Variants in CACNA2D1 observed in about 807,000 individuals in gnomAD.
CACNA2D1 encodes the protein calcium voltage-gated channel auxiliary subunit alpha2delta 1.
Under a neutral mutation model 171.5 loss-of-function variants are expected in CACNA2D1, and 53 were observed. The observed-to-expected ratio is 0.31, with a 90% CI of 0.25 to 0.39. CACNA2D1 has a LOEUF of 0.39. Ranked by LOEUF, CACNA2D1 falls within the 10% of genes least tolerant of loss-of-function variation. The probability of loss-of-function intolerance (pLI) is 1.00; values close to 1 mark genes in which losing one functional copy is unlikely to be tolerated. For missense variants in CACNA2D1, 903 were observed against 1,299.8 expected (o/e 0.69, Z 4.69); for synonymous variants, 442 against 443.1 (o/e 1.00, Z 0.03).
chr7:82,193,333 C>G (rs560450067), intron 3 of CACNA2D1, among the ~76,000 whole-genome samples: 1 of 152,076 alleles, frequency 6.6e-6, no homozygotes, highest in African/African-American at 2.4e-5. Flanking sequence ...AAATTAATAG[C>G]TTCTATCATG....
intron 3 of CACNA2D1, among the ~76,000 whole-genome samples, chr7:82,246,377 T>C (rs1364350279): frequency 6.6e-6 from 1 of 152,164 alleles, no homozygotes. Flanking sequence ...AATAAATATC[T>C]GGCACCATAA....
intron 6 of CACNA2D1, among the ~76,000 whole-genome samples, chr7:82,111,444 A>ATATATAT (rs1207440298): frequency 4.3e-5 from 3 of 69,966 alleles, no homozygotes; most frequent in South Asian, 9.7e-4. Context: ...ATATATATAT[A>ATATATAT]TTTTTTTTTT....
chr7:82,123,360 A>G (rs1789964460), intron 5 of CACNA2D1, among the ~76,000 whole-genome samples: 1 of 152,224 alleles, frequency 6.6e-6, no homozygotes, highest in Non-Finnish European at 1.5e-5. Flanking sequence ...AAAGTTTAAC[A>G]AGCTTATACA....
At chr7:82,401,029 T>C (rs991772887) in intron 1 of CACNA2D1, among the ~76,000 whole-genome samples, 1 of 152,142 alleles carries the variant, frequency 6.6e-6, no homozygotes, top group Non-Finnish European at 1.5e-5. Context: ...CCAGTTAGAA[T>C]GGCAATCGTT....
At chr7:82,017,921 G>GA (rs1800700809) in intron 12 of CACNA2D1, among the ~76,000 whole-genome samples, 1 of 152,034 alleles carries the variant, frequency 6.6e-6, no homozygotes, top group South Asian at 2.1e-4. Flanking sequence ...CTTTTGTGGA[G>GA]AAAAAATTCC....
intron 6 of CACNA2D1, 148 bp from the exon 7 acceptor site, chr7:82,085,048 A>T: frequency 1.4e-6 from 1 of 701,502 alleles, no homozygotes; most frequent in South Asian, 1.7e-5. Context: ...AGTTTTCGAC[A>T]CTTTAGAGGA....
chr7:82,218,311 GA>G (rs1384052435), intron 3 of CACNA2D1, among the ~76,000 whole-genome samples: 1 of 152,092 alleles, frequency 6.6e-6, no homozygotes, highest in African/African-American at 2.4e-5. Flanking sequence ...TAAGATGTAG[GA>G]AAACAGGTAC....
chr7:82,211,965 G>A (rs1016677761), intron 3 of CACNA2D1, among the ~76,000 whole-genome samples: 1 of 152,098 alleles, frequency 6.6e-6, no homozygotes, highest in Non-Finnish European at 1.5e-5. Flanking sequence ...GGTTTTGTTT[G>A]CATTTCTGAT....
chr7:82,432,037 T>TAAAAAAAA (rs34180150), intron 1 of CACNA2D1, among the ~76,000 whole-genome samples: 4,888 of 81,700 alleles, frequency 0.06, 202 homozygotes, highest in Non-Finnish European at 0.071. Flanking sequence ...GACTCTGTCT[T>TAAAAAAAA]AAAAAAAAAA....
At chr7:82,094,337 GACA>G (rs1276491454) in intron 6 of CACNA2D1, among the ~76,000 whole-genome samples, 2 of 152,046 alleles carry the variant, frequency 1.3e-5, no homozygotes, top group Admixed American at 1.3e-4. Context: ...CTATTTCTAA[GACA>G]ACATGAGGTT....
chr7:81,969,509 AATTAT>A (rs1323316478), intron 28 of CACNA2D1, among the ~76,000 whole-genome samples: 1 of 151,318 alleles, frequency 6.6e-6, no homozygotes, highest in African/African-American at 2.4e-5. Flanking sequence ...TTAATTGTAT[AATTAT>A]ATTTTATAAT....
intron 3 of CACNA2D1, among the ~76,000 whole-genome samples, chr7:82,211,169 G>T (rs1428477354): frequency 4.0e-5 from 6 of 151,044 alleles, no homozygotes; most frequent in African/African-American, 1.5e-4. Flanking sequence ...ATTTCCCTTG[G>T]GACAGGGGGA....
intron 5 of CACNA2D1, among the ~76,000 whole-genome samples, chr7:82,132,478 G>A (rs1791106240): frequency 6.6e-6 from 1 of 152,176 alleles, no homozygotes; most frequent in African/African-American, 2.4e-5. Context: ...TGGACAATGG[G>A]CACACATAGA....
At chr7:82,242,870 T>C (rs900055849) in intron 3 of CACNA2D1, among the ~76,000 whole-genome samples, 2 of 152,154 alleles carry the variant, frequency 1.3e-5, no homozygotes, top group Non-Finnish European at 2.9e-5. Flanking sequence ...ATGTATTTTG[T>C]TTACATTTTA....
intron 5 of CACNA2D1, among the ~76,000 whole-genome samples, chr7:82,132,501 A>T (rs770601426): frequency 6.6e-6 from 1 of 152,184 alleles, no homozygotes; most frequent in Non-Finnish European, 1.5e-5. Context: ...TGATGTATGC[A>T]AACTCTGAGA....
intron 21 of CACNA2D1, among the ~76,000 whole-genome samples, chr7:81,989,563 T>C (rs940620178): frequency 6.6e-6 from 1 of 151,692 alleles, no homozygotes; most frequent in African/African-American, 2.4e-5. Context: ...TCAAGAGTCA[T>C]CTACGAGAGT....
At chr7:82,439,158 A>C (rs1052293073) in intron 1 of CACNA2D1, among the ~76,000 whole-genome samples, 28 of 152,108 alleles carry the variant, frequency 1.8e-4, no homozygotes, top group African/African-American at 6.3e-4. Flanking sequence ...GCTTTATATA[A>C]TGATACTCCA....
At chr7:82,151,294 T>C (rs1372482333) in intron 4 of CACNA2D1, among the ~76,000 whole-genome samples, 12 of 152,274 alleles carry the variant, frequency 7.9e-5, no homozygotes, top group African/African-American at 1.7e-4. Context: ...GTAAATGCAA[T>C]CTTTTCTTTT....
intron 3 of CACNA2D1, among the ~76,000 whole-genome samples, chr7:82,301,574 G>A (rs1813008467): frequency 6.6e-6 from 1 of 152,042 alleles, no homozygotes; most frequent in African/African-American, 2.4e-5. Context: ...GTTAAGAGTA[G>A]CTTGATAATG....
Sources: allele counts gnomAD v4.1 joint callset (sites outside exome capture counted in the v4.1 genomes callset), GRCh38; gene constraint gnomAD v4.1.1; transcripts MANE v1.5; gene names NCBI Gene and HGNC (gene_info 2026-07-23, HGNC 2026-07-21).